Variants in ITK observed in about 807,000 individuals in gnomAD.
ITK encodes the protein IL2 inducible T cell kinase.
ITK carries 45 observed loss-of-function variants against 87.6 expected under a neutral mutation model. The observed-to-expected ratio is 0.51, with a 90% CI of 0.40 to 0.66. ITK has a LOEUF of 0.66. Among genes scored for constraint, ITK ranks in the 30% least tolerant of loss-of-function variants. ITK has a pLI of 0.00. For synonymous variants in ITK, 303 were observed against 273.6 expected (o/e 1.11, Z -1.06); for missense variants, 605 against 766.3 (o/e 0.79, Z 2.48).
chr5:157,231,567 T>A (rs1277939954), intron 7 of ITK, among the ~76,000 whole-genome samples: 1 of 152,220 alleles, frequency 6.6e-6, no homozygotes, highest in African/African-American at 2.4e-5. Flanking sequence ...TAAGTGGTAT[T>A]CCTTCCCTAC....
chr5:157,240,068 C>A lies in ITK; in HGVS notation c.858C>A (p.Asn286Lys), dbSNP rs141147698. The A allele has an allele frequency of 6.2e-6, 10 of 1,611,576 alleles. No homozygotes were observed. Among genetic ancestry groups the A allele is most frequent in the Middle Eastern group, 1.6e-4 (1 of 6,070 alleles). ...SVFTKAVVSE[N>K]NPCIKHYHIK... ...TGTGTTTCATTTGTTTAAGTGAGAA[C>A]AATCCCTGTATAAAGCATTATCACA... is the stretch of plus-strand genomic sequence containing the variant. The change falls in exon 10 of 17, where the codon AAC becomes AAA. Residue 286 changes from asparagine to lysine, a missense_variant. By Grantham distance (94) the Asn-to-Lys change is moderately conservative. Transcript: ENST00000422843.
At position 157,248,940 on chromosome 5, in the gene ITK, T is replaced by C; in HGVS notation, c.1724T>C (p.Phe575Ser). 1 of 1,613,826 alleles carries C rather than the reference T, an allele frequency of 6.2e-7. No homozygotes were observed. Among genetic ancestry groups the C allele is most frequent in the Non-Finnish European group, 8.5e-7 (1 of 1,179,818 alleles). Residue 575 changes from phenylalanine to serine, a missense_variant, in exon 16 of 17, where the codon TTT becomes TCT. Physicochemically the swap from Phe to Ser is radical, Grantham distance 155 (BLOSUM62 -2). Around this residue, in one of 3 missense-constraint regions of ITK, gnomAD observed 71 missense variants for 65.8 expected, o/e 1.08. Transcript: ENST00000422843. ...GTGGTGGAAGACATCAGTACCGGATTTCGGTTGTACAAGCCCCGGCTGGCC... is the reference window on the plus strand; with the variant it reads ...GTGGTGGAAGACATCAGTACCGGATCTCGGTTGTACAAGCCCCGGCTGGCC... ...SEVVEDISTGFRLYKPRLAST... is the reference protein window; with the variant it reads ...SEVVEDISTGSRLYKPRLAST...
chr5:157,205,930 C>G (rs191930688), intron 1 of ITK, among the ~76,000 whole-genome samples: 2 of 150,528 alleles, frequency 1.3e-5, no homozygotes, highest in Non-Finnish European at 2.9e-5. Flanking sequence ...GTTGAACCAA[C>G]CTTGCATTCC....
intron 7 of ITK, among the ~76,000 whole-genome samples, chr5:157,230,391 A>G (rs1418301062): frequency 6.6e-6 from 1 of 152,250 alleles, no homozygotes; most frequent in Non-Finnish European, 1.5e-5. Flanking sequence ...GGCCTAAAGA[A>G]TAAAGCTAAT....
intron 3 of ITK, chr5:157,213,695 T>G: frequency 2.7e-6 from 1 of 365,620 alleles, no homozygotes; most frequent in African/African-American, 2.1e-5. Context: ...TTCTGTGCCT[T>G]ATGTATGTAT....
intron 8 of ITK, among the ~76,000 whole-genome samples, chr5:157,235,818 A>C (rs2113769547): frequency 6.6e-6 from 1 of 152,372 alleles, no homozygotes; most frequent in East Asian, 1.9e-4. Context: ...GGTCACCTTC[A>C]AATTATATGA....
At chr5:157,248,599 T>A (rs1268486448) in intron 15 of ITK, among the ~76,000 whole-genome samples, 2 of 152,208 alleles carry the variant, frequency 1.3e-5, no homozygotes, top group East Asian at 3.9e-4. Flanking sequence ...AGTCTACAAC[T>A]CTTAGTTGTA....
chr5:157,245,059 A>G, intron 13 of ITK: 1 of 171,782 alleles, frequency 5.8e-6, no homozygotes, highest in Non-Finnish European at 1.3e-5. Context: ...CCCCATCTCT[A>G]CTGAAAATTC....
At position 157,237,922 on chromosome 5, in the gene ITK, T is replaced by C. The variant is rs549611098; in HGVS notation, c.769-187T>C. 4.6e-5 allele frequency among the ~76,000 whole-genome samples: 7 copies of C among 152,362 alleles called. No individual in the cohort carries two copies. In the East Asian group the frequency reaches 5.8e-4, roughly 13 times the overall value. Reference sequence around the variant, plus strand: ...CAGCATGAGAACAGTCTGGGATCCATGTAGGAGACCAAGAAATATCTACGG... The same window carrying C: ...CAGCATGAGAACAGTCTGGGATCCACGTAGGAGACCAAGAAATATCTACGG... On this transcript the variant is annotated intron_variant, in intron 8 of 16. Transcript: ENST00000422843.
intron 16 of ITK, among the ~76,000 whole-genome samples, chr5:157,249,486 C>A (rs1037247332): frequency 6.6e-6 from 1 of 152,182 alleles, no homozygotes; most frequent in African/African-American, 2.4e-5. Flanking sequence ...GCTCATTTAC[C>A]CCAACCTTGG....
At position 157,228,355 on chromosome 5, in the gene ITK, C is replaced by T. The variant is rs753524613; in HGVS notation, c.707C>T (p.Thr236Ile). ...GAAAAATCTCCAAATAATCTGGAAA[C>T]CTATGAGTAAGATATTTTATTTGTT... ...LVEKSPNNLE[T>I]YEWYNKSISR... Residue 236 changes from threonine (T) to isoleucine (I), a missense_variant, in exon 7 of 17, where the codon ACC (threonine) becomes ATC (isoleucine). Coordinates refer to ENST00000422843, the MANE Select transcript of ITK (RefSeq NM_005546.4). The T allele has an allele frequency of 6.3e-7, 1 of 1,575,694 alleles. No homozygotes were observed. The highest frequency in any genetic ancestry group is 8.7e-7 in the Non-Finnish European group (1 of 1,145,334).
At chr5:157,212,738 G>C (rs1202297150) in intron 3 of ITK, among the ~76,000 whole-genome samples, 1 of 152,036 alleles carries the variant, frequency 6.6e-6, no homozygotes, top group Non-Finnish European at 1.5e-5. Context: ...TGTGCTCCCA[G>C]CTACCCGGGA....
intron 7 of ITK, among the ~76,000 whole-genome samples, chr5:157,230,244 G>C (rs1253180906): frequency 2.0e-5 from 3 of 152,090 alleles, no homozygotes; most frequent in Non-Finnish European, 2.9e-5. Flanking sequence ...TAAAGCAAAT[G>C]TATAAAATAT....
At chr5:157,186,620 GA>G in intron 1 of ITK, among the ~76,000 whole-genome samples, 1 of 152,022 alleles carries the variant, frequency 6.6e-6, no homozygotes, top group African/African-American at 2.4e-5. Context: ...AGGTTGCAGA[GA>G]GCCAAGATTG....
At chr5:157,191,560 T>G (rs1028223193) in intron 1 of ITK, among the ~76,000 whole-genome samples, 1 of 152,224 alleles carries the variant, frequency 6.6e-6, no homozygotes, top group East Asian at 1.9e-4. Context: ...TTTTCCCTCA[T>G]GCAGATGTAT....
chr5:157,249,393 A>G (rs932722531), intron 16 of ITK, among the ~76,000 whole-genome samples: 2 of 152,236 alleles, frequency 1.3e-5, no homozygotes. Flanking sequence ...CACTATGAAA[A>G]TATTAAAATG....
At chr5:157,234,169 C>T (rs898988145) in intron 8 of ITK, among the ~76,000 whole-genome samples, 1 of 150,882 alleles carries the variant, frequency 6.6e-6, no homozygotes, top group Non-Finnish European at 1.5e-5. Flanking sequence ...TTACTAGAGA[C>T]GGGGTGTCGC....
At chr5:157,219,113 CTT>C (rs397884045) in intron 5 of ITK, among the ~76,000 whole-genome samples, 161 of 136,432 alleles carry the variant, frequency 1.2e-3, no homozygotes, top group Middle Eastern at 3.7e-3. Context: ...ACTTTTCTTT[CTT>C]TTTTTTTTTT....
At chr5:157,206,911 CT>C (rs1754089384) in intron 1 of ITK, among the ~76,000 whole-genome samples, 1 of 151,936 alleles carries the variant, frequency 6.6e-6, no homozygotes, top group Non-Finnish European at 1.5e-5. Context: ...TTGGTTATTT[CT>C]TTTCCTGTAT....
Sources: allele counts gnomAD v4.1 joint callset (sites outside exome capture counted in the v4.1 genomes callset), GRCh38; gene constraint gnomAD v4.1.1; regional missense constraint gnomAD v4.1.1; transcripts MANE v1.5; gene names NCBI Gene and HGNC (gene_info 2026-07-23, HGNC 2026-07-21).